STAB2: variants seen among roughly 807,000 people sequenced by gnomAD.
STAB2 encodes the protein stabilin-2.
Under a neutral mutation model 338.1 loss-of-function variants are expected in STAB2, and 288 were observed. The ratio of observed to expected loss-of-function variants is 0.85; its 90% confidence interval spans 0.77 to 0.94. The LOEUF (loss-of-function observed/expected upper bound fraction) is 0.94. Ranked by LOEUF, STAB2 falls within the 40% of genes least tolerant of loss-of-function variation. STAB2 has a pLI of 0.00. For synonymous variants in STAB2, 1,202 were observed against 1,193.3 expected, an observed-to-expected ratio of 1.01 and a Z score of -0.15; for missense variants, 3,141 against 3,210.1, an observed-to-expected ratio of 0.98 and a Z score of 0.52.
intron 8 of STAB2, among the ~76,000 whole-genome samples, chr12:103,639,413 T>C (rs1443981780): frequency 6.6e-6 from 1 of 152,136 alleles, no homozygotes; most frequent in African/African-American, 2.4e-5. Flanking sequence ...CACTCAAAAA[T>C]GTTTCCAGGC....
At chr12:103,718,302 T>G (rs1208105089) in intron 44 of STAB2, among the ~76,000 whole-genome samples, 1 of 152,136 alleles carries the variant, frequency 6.6e-6, no homozygotes, top group Admixed American at 6.5e-5. Flanking sequence ...CACAGAGGCC[T>G]AGAGGACAGG....
intron 5 of STAB2, among the ~76,000 whole-genome samples, chr12:103,629,799 C>G (rs1957433008): frequency 6.6e-6 from 1 of 152,178 alleles, no homozygotes; most frequent in Admixed American, 6.5e-5. Flanking sequence ...TTTCTTCTGC[C>G]ATTAGATTTT....
chr12:103,666,483 C>T (rs750084479), intron 19 of STAB2, 130 bp downstream of exon 19: 2 of 887,518 alleles, frequency 2.3e-6, no homozygotes, highest in Non-Finnish European at 3.6e-6. Flanking sequence ...GGGCTCGTAG[C>T]CTACTATATG....
At chr12:103,599,764 G>A (rs1168130677) in intron 3 of STAB2, among the ~76,000 whole-genome samples, 1 of 152,214 alleles carries the variant, frequency 6.6e-6, no homozygotes, top group African/African-American at 2.4e-5. Context: ...GCACTGAGGT[G>A]AGCTAGTATG....
At chr12:103,745,908 T>G (rs909940959) in intron 57 of STAB2, among the ~76,000 whole-genome samples, 1 of 152,234 alleles carries the variant, frequency 6.6e-6, no homozygotes, top group South Asian at 2.1e-4. Flanking sequence ...AGTTTTCTGA[T>G]GTCTCCTTTA....
At chr12:103,680,959 C>T (rs1048611994) in intron 25 of STAB2, among the ~76,000 whole-genome samples, 2 of 152,252 alleles carry the variant, frequency 1.3e-5, no homozygotes, top group Admixed American at 1.3e-4. Context: ...ATTACCGTGG[C>T]CAGGGCCCTC....
rs536799875 is a variant in STAB2 at position 103,730,325 on chromosome 12, G to A, written c.5223+69G>A. On this transcript the variant is annotated intron_variant, in intron 49 of 68. Transcript: ENST00000388887. ...TACATTATCATCTCTATTCTGATTC[G>A]AAGTCATCATTTTGAAACATTTTCT... The A allele has an allele frequency of 5.9e-5, 90 of 1,518,106 alleles. No individual in the cohort carries two copies. In the South Asian group the frequency reaches 6.3e-4, roughly 11 times the overall value. The allele number at this position is 1,518,106 out of a possible 1,614,324, so 94.0% of individuals were successfully genotyped here.
chr12:103,723,579 G>C (rs1880940515), intron 44 of STAB2, among the ~76,000 whole-genome samples: 1 of 152,226 alleles, frequency 6.6e-6, no homozygotes, highest in Non-Finnish European at 1.5e-5. Context: ...TACTGCAAAA[G>C]TGCAAGCATC....
intron 34 of STAB2, among the ~76,000 whole-genome samples, chr12:103,700,969 T>A (rs1878811903): frequency 6.7e-6 from 1 of 149,832 alleles, no homozygotes; most frequent in South Asian, 2.1e-4. Context: ...TAGCATTAGG[T>A]ATATCTCCCA....
rs763463565 is a variant in STAB2, at chr12:103,763,600, C to T, written c.7597C>T (p.Pro2533Ser). 1 of 1,613,690 alleles carries T rather than the reference C, an allele frequency of 6.2e-7. No homozygotes were observed. The highest frequency in any genetic ancestry group is 1.1e-5 in the South Asian group (1 of 91,008). ...AGCTCCCCCAGAACCTTCCTACGAC[C>T]CCTTCACGGTGAGTTTGCATTCTTA... ...TSAPPEPSYD[P>S]FTDSEERQLE... The change falls in exon 68 of 69, where the codon CCC (proline) becomes TCC (serine). Residue 2533 changes from proline (P) to serine (S), a missense_variant. Transcript: ENST00000388887.
intron 28 of STAB2, 78 bp from the exon 29 acceptor site, chr12:103,689,768 A>G: frequency 6.5e-7 from 1 of 1,531,316 alleles, no homozygotes; most frequent in South Asian, 1.3e-5. Context: ...GGAAATTGTC[A>G]TCTCTTCCAA....
chr12:103,613,018 A>G (rs553089928), intron 3 of STAB2, among the ~76,000 whole-genome samples: 2 of 152,192 alleles, frequency 1.3e-5, no homozygotes, highest in Non-Finnish European at 1.5e-5. Flanking sequence ...GGTGAACAGC[A>G]AATGTTGCTG....
chr12:103,749,090 A>G lies in STAB2; in HGVS notation c.6372A>G (p.Ile2124Met). Reference protein sequence around the residue: ...YKGDGHSCTEIDPCADGLNGG... With the variant: ...YKGDGHSCTEMDPCADGLNGG... ...GGGACGGGCACAGCTGCACAGAGAT[A>G]GACCCCTGTGCAGACGGCCTTAACG... is the stretch of plus-strand genomic sequence containing the variant. Residue 2124 changes from isoleucine to methionine, a missense_variant, in exon 59 of 69, where the codon ATA becomes ATG. Ile to Met is a conservative substitution (Grantham distance 10). Coordinates refer to ENST00000388887, the MANE Select transcript of STAB2 (RefSeq NM_017564.10). The G allele has an allele frequency of 6.2e-7, 1 of 1,614,112 alleles. No homozygotes were observed. Among genetic ancestry groups the G allele is most frequent in the Non-Finnish European group, 8.5e-7 (1 of 1,180,014 alleles).
In STAB2 at chr12:103,666,404, G is replaced by T. The variant is rs139392525; in HGVS notation, c.2085+51G>T. ...ACAGATCACCCAAGCAGCCCCACTG[G>T]TGTGGTTTCTCAACCTATCTACCTT... On this transcript the variant is annotated intron_variant, in intron 19 of 68. Transcript: ENST00000388887. The T allele has an allele frequency of 3.1e-4, 502 of 1,595,606 alleles. 2 individuals are homozygous for T. In the East Asian group the frequency reaches 0.01, roughly 33 times the overall value.
At chr12:103,591,078 G>A in intron 2 of STAB2, 48 bp downstream of exon 2, 1 of 1,608,064 alleles carries the variant, frequency 6.2e-7, no homozygotes, top group Middle Eastern at 1.7e-4. Flanking sequence ...CCAACTTGAA[G>A]CTCCCTGTCT....
At chr12:103,672,391 G>C (rs185950640) in intron 22 of STAB2, among the ~76,000 whole-genome samples, 1 of 152,350 alleles carries the variant, frequency 6.6e-6, no homozygotes, top group African/African-American at 2.4e-5. Flanking sequence ...CTGGGATGGG[G>C]CGGTGGCCTT....
chr12:103,615,221 G>A (rs1327397676), intron 3 of STAB2, among the ~76,000 whole-genome samples: 1 of 151,810 alleles, frequency 6.6e-6, no homozygotes, highest in Non-Finnish European at 1.5e-5. Flanking sequence ...AAAGGGAGAT[G>A]TCAGACAGGG....
At chr12:103,718,964 C>T (rs1046710358) in intron 44 of STAB2, among the ~76,000 whole-genome samples, 1 of 152,184 alleles carries the variant, frequency 6.6e-6, no homozygotes, top group East Asian at 1.9e-4. Flanking sequence ...TTCTTGTCTC[C>T]GTTTGCATGT....
At chr12:103,596,955 A>G (rs1232792436) in intron 3 of STAB2, among the ~76,000 whole-genome samples, 3 of 56,188 alleles carry the variant, frequency 5.3e-5, no homozygotes, top group African/African-American at 2.3e-4. Context: ...CCTATCTCAA[A>G]AAAAAAAAAA....
Sources: allele counts gnomAD v4.1 joint callset (sites outside exome capture counted in the v4.1 genomes callset), GRCh38; gene constraint gnomAD v4.1.1; transcripts MANE v1.5; gene names NCBI Gene and HGNC (gene_info 2026-07-23, HGNC 2026-07-21).